Variants in INTU observed in about 807,000 individuals in gnomAD.
INTU encodes the protein inturned planar cell polarity protein.
In INTU, 68 loss-of-function variants were observed where a neutral mutation model predicts 100.5. The ratio of observed to expected loss-of-function variants is 0.68; its 90% CI spans 0.56 to 0.83. The LOEUF (loss-of-function observed/expected upper bound fraction) is 0.83, where lower values mean the gene tolerates loss of function less well. Among genes scored for constraint, INTU ranks in the 40% least tolerant of loss-of-function variants. The pLI is 0.00. For synonymous variants in INTU, 357 were observed against 395.7 expected, an observed-to-expected ratio of 0.90 and a Z score of 1.16; for missense variants, 1,071 against 1,114.7, an observed-to-expected ratio of 0.96 and a Z score of 0.56.
chr4:127,651,045 T>G (rs1300292042), intron 2 of INTU, among the ~76,000 whole-genome samples: 19 of 152,082 alleles, frequency 1.2e-4, no homozygotes, highest in Non-Finnish European at 2.1e-4. Context: ...CATGTCCTTC[T>G]CCCACTTTTT....
At chr4:127,650,259 C>T (rs1727783718) in intron 2 of INTU, among the ~76,000 whole-genome samples, 1 of 151,758 alleles carries the variant, frequency 6.6e-6, no homozygotes, top group Non-Finnish European at 1.5e-5. Flanking sequence ...TTTTAGGGTA[C>T]ATGTGCACAT....
Position 127,691,962 on chromosome 4 carries a change from G to GTGTGTATATATATATA in INTU, c.1449+4096_1449+4097insGTGTATATATATATAT. ...GGCGGAGTATAGTGTTCCATGGTAT[G>GTGTGTATATATATATA]TATATATATATATATATATGTCACA... On this transcript the variant is annotated intron_variant, in intron 8 of 15. Coordinates refer to ENST00000335251, the MANE Select transcript of INTU (RefSeq NM_015693.4). 5.0e-4 allele frequency among the ~76,000 whole-genome samples: 49 copies of GTGTGTATATATATATA among 98,256 alleles called. 2 individuals carry two copies. The highest frequency in any genetic ancestry group is 6.1e-4 in the Admixed American group (6 of 9,802). 64.5% of individuals were successfully genotyped at this position (98,256 alleles called of 152,430 possible). A position where few individuals can be genotyped will look rare whatever the true frequency, so the allele number is the denominator to read the frequency against.
intron 5 of INTU, among the ~76,000 whole-genome samples, chr4:127,672,467 CTTTT>C (rs55709540): frequency 1.7e-5 from 2 of 115,228 alleles, no homozygotes; most frequent in Non-Finnish European, 1.9e-5. Flanking sequence ...TGCGGTGTTG[CTTTT>C]TTTTTTTTTT....
chr4:127,647,631 G>A (rs1727647362), intron 2 of INTU, among the ~76,000 whole-genome samples: 1 of 152,078 alleles, frequency 6.6e-6, no homozygotes, highest in Non-Finnish European at 1.5e-5. Context: ...GACATCTTTG[G>A]GGGGCAATTA....
At chr4:127,691,620 TG>T (rs917224237) in intron 8 of INTU, among the ~76,000 whole-genome samples, 1 of 152,108 alleles carries the variant, frequency 6.6e-6, no homozygotes, top group Admixed American at 6.6e-5. Context: ...GGTAGGTTTT[TG>T]GGGAACAGGT....
chr4:127,700,188 G>C (rs1385698307), intron 9 of INTU, 125 bp downstream of exon 9: 2 of 709,192 alleles, frequency 2.8e-6, no homozygotes, highest in Non-Finnish European at 4.5e-6. Flanking sequence ...CCTCTGTTTT[G>C]ACAGTGACAA....
intron 2 of INTU, among the ~76,000 whole-genome samples, chr4:127,648,346 A>G (rs1727683826): frequency 6.6e-6 from 1 of 152,326 alleles, no homozygotes; most frequent in Admixed American, 6.5e-5. Flanking sequence ...TGAGAAGTGG[A>G]TATAATATTT....
At chr4:127,704,615 G>T (rs550588638) in intron 10 of INTU, among the ~76,000 whole-genome samples, 2 of 151,672 alleles carry the variant, frequency 1.3e-5, no homozygotes, top group East Asian at 3.9e-4. Context: ...CTTAAAACAA[G>T]ATTTGCATCT....
intron 4 of INTU, 55 bp from the exon 5 acceptor site, chr4:127,668,981 G>A (rs1578570797): frequency 1.3e-6 from 1 of 783,948 alleles, no homozygotes; most frequent in Non-Finnish European, 2.1e-6. Flanking sequence ...AACTTGCCCT[G>A]ACAAAGATAA....
At chr4:127,653,849 G>T (rs1430404206) in intron 2 of INTU, among the ~76,000 whole-genome samples, 6 of 151,732 alleles carry the variant, frequency 4.0e-5, no homozygotes, top group Admixed American at 6.6e-5. Context: ...ATTAATGTGT[G>T]GGAGTCTAAG....
chr4:127,679,213 G>A (rs1443532042), intron 6 of INTU, among the ~76,000 whole-genome samples: 1 of 152,028 alleles, frequency 6.6e-6, no homozygotes, highest in Non-Finnish European at 1.5e-5. Context: ...AAGTTAACAA[G>A]GATACCCAGG....
Position 127,725,142 on chromosome 4 carries a change from A to T in INTU, c.*8706A>T, listed in dbSNP as rs1731399611. 1 of 150,976 alleles carries T rather than the reference A, an allele frequency of 6.6e-6. No homozygotes were observed. The highest frequency in any genetic ancestry group is 2.1e-4 in the South Asian group (1 of 4,786). The allele number at this position is 150,976 out of a possible 1,614,324, so 9.4% of individuals were successfully genotyped here. On this transcript the variant is annotated 3_prime_UTR_variant, in exon 16 of 16. Transcript: ENST00000335251. ...CTCTACTAAAAATACTAAAAAAAAA[A>T]AAAAAAAAAAAAAAATTAGCCGGGC...
At position 127,650,492 on chromosome 4, in the gene INTU, C is replaced by T. The variant is rs568392535; in HGVS notation, c.683-6144C>T. Among the ~76,000 whole-genome samples the T allele has an allele frequency of 8.7e-4, 131 of 151,098 alleles. 1 individual carries two copies. Among genetic ancestry groups the T allele is most frequent in the African/African-American group, 2.9e-3 (120 of 41,220 alleles). On this transcript the variant is annotated intron_variant, in intron 2 of 15. Transcript: ENST00000335251. ...TGCAGTGTTTGGTTTTTTGTTCTTGCGATAGTTTACTGAGAATGATTTCCA... is the reference window on the plus strand; with the variant it reads ...TGCAGTGTTTGGTTTTTTGTTCTTGTGATAGTTTACTGAGAATGATTTCCA...
At position 127,726,465 on chromosome 4, in the gene INTU, G is replaced by C. The variant is rs1318982831; in HGVS notation, c.*10029G>C. ...TATTATCATTATTAAATATCCATTG[G>C]TTGAAAAACCAAGTAGTCAGCTAAA... is the stretch of plus-strand genomic sequence containing the variant. On this transcript the variant is annotated 3_prime_UTR_variant, in exon 16 of 16. Transcript: ENST00000335251. 1.3e-5 allele frequency: 2 copies of C among 152,094 alleles called. No individual in the cohort carries two copies. The highest frequency in any genetic ancestry group is 4.8e-5 in the African/African-American group (2 of 41,416). 9.4% of individuals were successfully genotyped at this position (152,094 alleles called of 1,614,324 possible). A position where few individuals can be genotyped will look rare whatever the true frequency, so the allele number is the denominator to read the frequency against.
rs1731319344 is a variant in INTU at position 127,719,784 on chromosome 4, A to G, written c.*3348A>G. 5 of 152,098 alleles carry G rather than the reference A, an allele frequency of 3.3e-5. No homozygotes were observed. In the South Asian group the frequency reaches 1.0e-3, roughly 32 times the overall value. The allele number at this position is 152,098 out of a possible 1,614,324, so 9.4% of individuals were successfully genotyped here. A position where few individuals can be genotyped will look rare whatever the true frequency, so the allele number is the denominator to read the frequency against. ...TTTATTTGCACCGAGCTGTTATAGT[A>G]TTGTCTGATGGTTGTTTATATTTCC... On this transcript the variant is annotated 3_prime_UTR_variant, in exon 16 of 16. Coordinates refer to ENST00000335251, the MANE Select transcript of INTU (RefSeq NM_015693.4).
chr4:127,634,541 C>G (rs1009000351), intron 1 of INTU, among the ~76,000 whole-genome samples: 6 of 152,112 alleles, frequency 3.9e-5, no homozygotes, highest in Non-Finnish European at 7.4e-5. Flanking sequence ...ATCTGAGGAC[C>G]TTGTGATAGG....
intron 13 of INTU, 127 bp downstream of exon 13, chr4:127,708,795 T>C: frequency 3.7e-6 from 2 of 544,630 alleles, no homozygotes; most frequent in African/African-American, 3.8e-5. Context: ...AAAGGTAATA[T>C]CTGTGGTATT....
intron 13 of INTU, among the ~76,000 whole-genome samples, chr4:127,709,006 C>CTAA (rs1178255339): frequency 1.3e-5 from 2 of 152,014 alleles, no homozygotes; most frequent in Admixed American, 6.6e-5. Context: ...GTGTGCTGTC[C>CTAA]AGTTACACCT....
At chr4:127,711,456 ATTCT>A (rs1463155275) in intron 14 of INTU, among the ~76,000 whole-genome samples, 1 of 152,134 alleles carries the variant, frequency 6.6e-6, no homozygotes, top group Non-Finnish European at 1.5e-5. Flanking sequence ...AACTCTGATA[ATTCT>A]TTGAGTATTT....
Sources: gnomAD v4.1 joint callset for allele counts (sites outside exome capture counted in the v4.1 genomes callset) on GRCh38, gnomAD v4.1.1 for gene constraint, MANE v1.5 for transcripts, NCBI Gene and HGNC (gene_info 2026-07-23, HGNC 2026-07-21) for gene names.